The following NEBL variants were observed in gnomAD, a reference collection of about 807,000 sequenced individuals.
NEBL encodes LIM and SH3 protein 2.
Under a neutral mutation model 140.2 loss-of-function variants are expected in NEBL, and 122 were observed. The observed-to-expected ratio is 0.87, with a 90% CI of 0.75 to 1.01. The LOEUF is 1.01. Among genes scored for constraint, NEBL ranks in the 50% least tolerant of loss-of-function variants. The pLI is 0.00. For missense variants in NEBL, 1,365 were observed against 1,231.3 expected (o/e 1.11, Z -1.62); for synonymous variants, 436 against 398.9 (o/e 1.09, Z -1.11).
intron 1 of NEBL, among the ~76,000 whole-genome samples, chr10:21,276,778 G>A (rs184764047): frequency 1.3e-5 from 2 of 152,256 alleles, no homozygotes; most frequent in East Asian, 1.9e-4. Context: ...AGACCAGCCC[G>A]GCCAACATGG....
At chr10:21,291,517 A>G (rs929913268) in intron 1 of NEBL, among the ~76,000 whole-genome samples, 21 of 151,590 alleles carry the variant, frequency 1.4e-4, no homozygotes, top group East Asian at 5.8e-4. Flanking sequence ...AAAAAAAAAA[A>G]AAGAAGAAGA....
At chr10:20,862,735 A>C (rs1242626255) in intron 7 of NEBL, among the ~76,000 whole-genome samples, 1 of 152,198 alleles carries the variant, frequency 6.6e-6, no homozygotes, top group Non-Finnish European at 1.5e-5. Flanking sequence ...TGACTTTGCC[A>C]TGGTTTTAAG....
rs1422046845 is a variant in NEBL at position 20,880,863 on chromosome 10, T to C, written c.411A>G (p.Ser137=). The C allele has an allele frequency of 6.2e-7, 1 of 1,614,138 alleles. No individual in the cohort carries two copies. Among genetic ancestry groups the C allele is most frequent in the East Asian group, 2.2e-5 (1 of 44,858 alleles). ...GGGGCTCCTTCATGTGGGCATAATC[T>C]GAGAATCCTTTGGCAGCATCATGTT... ...KQKHDAAKGF[S]DYAHMKEPPE... is the part of the protein sequence containing the mutation. Residue 137 remains serine (S), a synonymous_variant, in exon 5 of 28, where the codon TCA becomes TCG. Transcript: ENST00000377122.
chr10:21,285,998 C>G (rs1302685815), intron 1 of NEBL, among the ~76,000 whole-genome samples: 1 of 152,210 alleles, frequency 6.6e-6, no homozygotes, highest in Admixed American at 6.5e-5. Context: ...GGGGCTCAGA[C>G]CTTCTGGCTT....
chr10:21,149,673 C>G lies in NEBL; in HGVS notation c.164+22710G>C, dbSNP rs191915088. On this transcript the variant is annotated intron_variant, in intron 2 of 6. Coordinates refer to the NEBL transcript ENST00000417816. Reference sequence around the variant, plus strand: ...GCCACTCTAGCAAATTAACAGAATCCAAGGACAGAGTTCTGGGAACCCTGA... The same window carrying G: ...GCCACTCTAGCAAATTAACAGAATCGAAGGACAGAGTTCTGGGAACCCTGA... Among the ~76,000 whole-genome samples the G allele has an allele frequency of 3.1e-4, 47 of 152,312 alleles. 1 individual carries two copies. In the East Asian group the frequency reaches 7.9e-3, roughly 26 times the overall value.
chr10:21,162,167 A>G (rs999760632), intron 2 of NEBL, among the ~76,000 whole-genome samples: 2 of 152,234 alleles, frequency 1.3e-5, no homozygotes, highest in Admixed American at 6.5e-5. Context: ...TGTGCCAGGA[A>G]GAAAACACAT....
intron 3 of NEBL, among the ~76,000 whole-genome samples, chr10:21,012,672 C>G (rs982587866): frequency 6.6e-6 from 1 of 152,148 alleles, no homozygotes; most frequent in Non-Finnish European, 1.5e-5. Context: ...TGTGCCCAGC[C>G]TGATTTAATA....
At chr10:20,847,191 C>T (rs914143014) in intron 11 of NEBL, among the ~76,000 whole-genome samples, 1 of 152,134 alleles carries the variant, frequency 6.6e-6, no homozygotes, top group African/African-American at 2.4e-5. Context: ...TTACACCAAA[C>T]TTTGTCTAAG....
chr10:20,850,534 C>T (rs376754098), intron 10 of NEBL, 32 bp from the exon 11 acceptor site: 39 of 1,389,160 alleles, frequency 2.8e-5, no homozygotes, highest in East Asian at 9.1e-5. Context: ...ATATACAAAT[C>T]GAAAGTCCTT....
intron 1 of NEBL, among the ~76,000 whole-genome samples, chr10:21,254,195 C>T (rs981211440): frequency 3.9e-5 from 6 of 152,082 alleles, no homozygotes; most frequent in Non-Finnish European, 5.9e-5. Flanking sequence ...TGGAGTTCAA[C>T]GGCATGATCA....
chr10:20,904,646 T>C (rs2131442145), intron 4 of NEBL, among the ~76,000 whole-genome samples: 1 of 152,166 alleles, frequency 6.6e-6, no homozygotes, highest in Non-Finnish European at 1.5e-5. Flanking sequence ...ACATGTGTGC[T>C]TGTACATATG....
chr10:21,017,821 C>CTTT (rs149030323), intron 3 of NEBL, among the ~76,000 whole-genome samples: 1 of 140,336 alleles, frequency 7.1e-6, no homozygotes. Context: ...TGATTCTTCT[C>CTTT]TTTTTTTTTT....
At chr10:21,017,423 T>C (rs974404273) in intron 3 of NEBL, among the ~76,000 whole-genome samples, 1 of 152,146 alleles carries the variant, frequency 6.6e-6, no homozygotes, top group Admixed American at 6.6e-5. Context: ...TTTATAAAGA[T>C]CTGATGTCTT....
chr10:21,217,850 T>G (rs532994828), intron 3 of NEBL: 1 of 152,384 alleles, frequency 6.6e-6, no homozygotes, highest in African/African-American at 2.4e-5. Flanking sequence ...CATTTCCATC[T>G]GGCAGCAACC....
intron 2 of NEBL, among the ~76,000 whole-genome samples, chr10:21,092,019 C>A (rs1836938566): frequency 6.6e-6 from 1 of 152,142 alleles, no homozygotes; most frequent in Non-Finnish European, 1.5e-5. Flanking sequence ...ATATCTTTTT[C>A]TTCTATTTGT....
At chr10:21,189,344 C>T (rs1392572765) in intron 3 of NEBL, among the ~76,000 whole-genome samples, 1 of 152,108 alleles carries the variant, frequency 6.6e-6, no homozygotes, top group Non-Finnish European at 1.5e-5. Flanking sequence ...CTGACAGCCA[C>T]CAGAAGCTGG....
In NEBL at chr10:20,915,811, G is replaced by C. The variant is rs150262040; in HGVS notation, c.357+45861C>G. ...GGGTCAAATGGTATTTCTAGTTCTA[G>C]ATCCCTGAGGAATCACCACACTGAC... On this transcript the variant is annotated intron_variant, in intron 4 of 6. Transcript: ENST00000417816. Among the ~76,000 whole-genome samples the C allele has an allele frequency of 2.2e-3, 334 of 152,206 alleles. 12 individuals carry two copies. In the East Asian group the frequency reaches 0.056, roughly 26 times the overall value.
At position 20,993,560 on chromosome 10, in the gene NEBL, T is replaced by C. The variant is rs59021345; in HGVS notation, c.249+26557A>G. Reference sequence around the variant, plus strand: ...TGGCTTTATTTCTGCTCCACATGTCTCCACACCCTGCTAGACGGCAGCTAT... The same window carrying C: ...TGGCTTTATTTCTGCTCCACATGTCCCCACACCCTGCTAGACGGCAGCTAT... On this transcript the variant is annotated intron_variant, in intron 3 of 6. Transcript: ENST00000417816. Among the ~76,000 whole-genome samples the C allele has an allele frequency of 6.7e-3, 1,017 of 152,262 alleles. 11 individuals are homozygous for C. Among genetic ancestry groups the C allele is most frequent in the African/African-American group, 0.022 (931 of 41,548 alleles).
intron 26 of NEBL, among the ~76,000 whole-genome samples, chr10:20,806,253 G>T (rs573658234): frequency 6.6e-6 from 1 of 151,404 alleles, no homozygotes; most frequent in Non-Finnish European, 1.5e-5. Flanking sequence ...AGGCATCCAA[G>T]CAGAGGCCCT....
Sources: allele counts gnomAD v4.1 joint callset (sites outside exome capture counted in the v4.1 genomes callset), GRCh38; gene constraint gnomAD v4.1.1; transcripts MANE v1.5; gene names NCBI Gene and HGNC (gene_info 2026-07-23, HGNC 2026-07-21).